PSD3: variants seen among roughly 807,000 people sequenced by gnomAD.
PSD3 encodes pleckstrin and Sec7 domain containing 3.
In PSD3, 49 loss-of-function variants were observed where a neutral mutation model predicts 105.5. The observed-to-expected ratio is 0.46, with a 90% CI of 0.37 to 0.59. The LOEUF (loss-of-function observed/expected upper bound fraction) is 0.59. Among genes scored for constraint, PSD3 ranks in the 20% least tolerant of loss-of-function variants. The probability of loss-of-function intolerance (pLI) is 0.00; values close to 1 mark genes in which losing one functional copy is unlikely to be tolerated. For missense variants in PSD3, 1,561 were observed against 1,263.8 expected, an observed-to-expected ratio of 1.24 and a Z score of -3.57; for synonymous variants, 557 against 457.8, an observed-to-expected ratio of 1.22 and a Z score of -2.77.
chr8:18,932,224 G>A (rs1211039282), intron 2 of PSD3, among the ~76,000 whole-genome samples: 3 of 152,176 alleles, frequency 2.0e-5, no homozygotes, highest in Admixed American at 2.0e-4. Flanking sequence ...AAGAAACTGA[G>A]GAGGCTCAGT....
At position 18,535,955 on chromosome 8, in the gene PSD3, T is replaced by A. The variant is rs752730991; in HGVS notation, c.2932A>T (p.Thr978Ser). 6 of 1,613,160 alleles carry A rather than the reference T, an allele frequency of 3.7e-6. No homozygotes were observed. In the South Asian group the frequency reaches 6.6e-5, roughly 18 times the overall value. Reference sequence around the variant, plus strand: ...ATGCTGACATACATTTCATAGCGGGTTTTCTGAAGGCAAAGCCAGAGAACA... The same window carrying A: ...ATGCTGACATACATTTCATAGCGGGATTTCTGAAGGCAAAGCCAGAGAACA... ...LKDHYLEFEK[T>S]RYEMYVSILK... is the part of the protein sequence containing the mutation. Residue 978 changes from threonine to serine, a missense_variant, in exon 16 of 16, where the codon ACC (threonine) becomes TCC (serine). Coordinates refer to ENST00000327040, the MANE Select transcript of PSD3 (RefSeq NM_015310.4).
chr8:18,760,731 A>G (rs145682227), intron 9 of PSD3, among the ~76,000 whole-genome samples: 70 of 152,308 alleles, frequency 4.6e-4, no homozygotes, highest in African/African-American at 1.5e-3. Flanking sequence ...GCACATAATC[A>G]AAAGCTAACA....
At chr8:19,052,181 T>C (rs1371815382) in intron 1 of PSD3, among the ~76,000 whole-genome samples, 1 of 151,874 alleles carries the variant, frequency 6.6e-6, no homozygotes, top group Non-Finnish European at 1.5e-5. Context: ...ATTAAAGAAA[T>C]ACAGAAAAGT....
At chr8:18,645,710 T>C (rs1051933864) in intron 10 of PSD3, among the ~76,000 whole-genome samples, 2 of 152,294 alleles carry the variant, frequency 1.3e-5, no homozygotes, top group African/African-American at 2.4e-5. Flanking sequence ...ATGAGAACAC[T>C]AAATCTCATT....
At chr8:18,629,973 T>C (rs1257776507) in intron 11 of PSD3, among the ~76,000 whole-genome samples, 3 of 151,780 alleles carry the variant, frequency 2.0e-5, no homozygotes, top group African/African-American at 2.4e-5. Context: ...CCTGAGGAAT[T>C]AAAGGCAGCT....
intron 9 of PSD3, among the ~76,000 whole-genome samples, chr8:18,662,713 C>CT (rs1235234861): frequency 6.6e-6 from 1 of 152,198 alleles, no homozygotes; most frequent in Non-Finnish European, 1.5e-5. Flanking sequence ...AAGACCTTAG[C>CT]TATCACCCAG....
intron 14 of PSD3, among the ~76,000 whole-genome samples, chr8:18,570,621 T>C (rs1212986172): frequency 6.9e-6 from 1 of 144,412 alleles, no homozygotes; most frequent in Non-Finnish European, 1.5e-5. Context: ...CAAACAAATT[T>C]ACAAGAAAAA....
At chr8:18,898,583 T>C (rs1819300150) in intron 2 of PSD3, among the ~76,000 whole-genome samples, 2 of 152,190 alleles carry the variant, frequency 1.3e-5, no homozygotes, top group South Asian at 2.1e-4. Context: ...ACTTAGCTAC[T>C]AACATATTAG....
chr8:18,987,290 TTA>T (rs1825556376), intron 1 of PSD3, among the ~76,000 whole-genome samples: 1 of 150,622 alleles, frequency 6.6e-6, no homozygotes, highest in Non-Finnish European at 1.5e-5. Context: ...ATTTTTTTTT[TTA>T]TATATATTTT....
chr8:18,563,343 AT>A (rs566307051), intron 14 of PSD3, among the ~76,000 whole-genome samples: 1,787 of 148,582 alleles, frequency 0.012, 37 homozygotes, highest in African/African-American at 0.036. Flanking sequence ...GAACAAATAG[AT>A]TTTTTTTTTT....
intron 1 of PSD3, among the ~76,000 whole-genome samples, chr8:18,966,402 C>G (rs768036557): frequency 6.6e-6 from 1 of 152,000 alleles, no homozygotes; most frequent in Non-Finnish European, 1.5e-5. Context: ...AAATCCCCAT[C>G]TCTACTAAAA....
rs1037967991 is a variant in PSD3, at chr8:18,531,292, T to C, written c.*4451A>G. 26 of 152,806 alleles carry C rather than the reference T, an allele frequency of 1.7e-4. No homozygotes were observed. The highest frequency in any genetic ancestry group is 6.0e-4 in the African/African-American group (25 of 41,590). 9.5% of individuals were successfully genotyped at this position (152,806 alleles called of 1,614,324 possible). A position where few individuals can be genotyped will look rare whatever the true frequency, so the allele number is the denominator to read the frequency against. On this transcript the variant is annotated 3_prime_UTR_variant, in exon 16 of 16. Transcript: ENST00000327040. ...ATGCAGATTCAAGTATTTAATGACA[T>C]TCTCTCTATGAAGACATTCTCTCTG...
chr8:18,608,191 T>C (rs1222395854), intron 11 of PSD3, among the ~76,000 whole-genome samples: 1 of 152,122 alleles, frequency 6.6e-6, no homozygotes, highest in Non-Finnish European at 1.5e-5. Flanking sequence ...CTGGATTCTA[T>C]CCTGGGTGAC....
chr8:19,029,732 C>T (rs1371962069), intron 1 of PSD3, among the ~76,000 whole-genome samples: 2 of 152,162 alleles, frequency 1.3e-5, no homozygotes, highest in South Asian at 2.1e-4. Flanking sequence ...CCATATCACA[C>T]ATATTTTAAG....
chr8:18,628,434 C>T (rs1390055557), intron 11 of PSD3, among the ~76,000 whole-genome samples: 1 of 151,822 alleles, frequency 6.6e-6, no homozygotes, highest in Non-Finnish European at 1.5e-5. Context: ...AATGAAACAT[C>T]ATCTTTAAGT....
chr8:18,844,615 T>A lies in PSD3; in HGVS notation c.1634+23059A>T, dbSNP rs540322619. On this transcript the variant is annotated intron_variant, in intron 4 of 15. Transcript: ENST00000327040. ...GCTAAAAAAGAAAAAAAAATCAGAC[T>A]AGAACATACTGGATTTGTTTTCATT... is the stretch of plus-strand genomic sequence containing the variant. Among the ~76,000 whole-genome samples, 5 of 152,258 alleles carry A rather than the reference T, an allele frequency of 3.3e-5. No homozygotes were observed. The East Asian group carries it at 9.7e-4, about 29-fold the overall frequency.
chr8:18,752,545 ATTATATATAATT>A (rs1563225265), intron 9 of PSD3, among the ~76,000 whole-genome samples: 925 of 14,714 alleles, frequency 0.063, 34 homozygotes, highest in African/African-American at 0.15. Context: ...TATTATATAT[ATTATATATAATT>A]ATATATATTA....
At chr8:18,630,902 G>A (rs1806849109) in intron 11 of PSD3, among the ~76,000 whole-genome samples, 1 of 151,688 alleles carries the variant, frequency 6.6e-6, no homozygotes, top group Non-Finnish European at 1.5e-5. Flanking sequence ...TAAAGTATAT[G>A]GGAGGATATG....
At chr8:18,750,168 G>A (rs1178486708) in intron 9 of PSD3, among the ~76,000 whole-genome samples, 1 of 152,158 alleles carries the variant, frequency 6.6e-6, no homozygotes, top group East Asian at 1.9e-4. Context: ...GTCTCAGTGG[G>A]CATTAGAACT....
Sources: allele counts gnomAD v4.1 joint callset (sites outside exome capture counted in the v4.1 genomes callset), GRCh38; gene constraint gnomAD v4.1.1; transcripts MANE v1.5; gene names NCBI Gene and HGNC (gene_info 2026-07-23, HGNC 2026-07-21).